Variants in PIGQ observed in about 807,000 individuals in gnomAD.
PIGQ encodes phosphatidylinositol glycan anchor biosynthesis class Q.
PIGQ carries 54 observed loss-of-function variants against 60.3 expected under a neutral mutation model. The observed-to-expected ratio is 0.90, with a 90% CI of 0.72 to 1.12. The LOEUF (loss-of-function observed/expected upper bound fraction) is 1.12. Ranked by LOEUF, PIGQ falls within the 50% of genes most tolerant of loss-of-function variation. The pLI is 0.00. For missense variants in PIGQ, 799 were observed against 793.5 expected, an observed-to-expected ratio of 1.01 and a Z score of -0.08; for synonymous variants, 416 against 363.7, an observed-to-expected ratio of 1.14 and a Z score of -1.64.
Position 584,019 on chromosome 16 carries a change from A to G in PIGQ, c.*984A>G. On this transcript the variant is annotated 3_prime_UTR_variant, in exon 11 of 11. Coordinates refer to ENST00000321878, the MANE Select transcript of PIGQ (RefSeq NM_004204.5). Reference sequence around the variant, plus strand: ...GGTGGGAGGAGGCAGCGCCCATCTCAGCAGCACCAGGACTGCCTGGGACTC... The same window carrying G: ...GGTGGGAGGAGGCAGCGCCCATCTCGGCAGCACCAGGACTGCCTGGGACTC... 1 of 357,310 alleles carries G rather than the reference A, an allele frequency of 2.8e-6. No homozygotes were observed. Among genetic ancestry groups the G allele is most frequent in the Non-Finnish European group, 5.5e-6 (1 of 182,324 alleles). 22.1% of individuals were successfully genotyped at this position (357,310 alleles called of 1,614,324 possible).
intron 9 of PIGQ, 192 bp from the exon 10 acceptor site, chr16:582,056 G>T: frequency 1.5e-6 from 1 of 671,880 alleles, no homozygotes; most frequent in Non-Finnish European, 2.7e-6. Flanking sequence ...GTGCCTGGCT[G>T]CAGGAGGCTT....
In PIGQ at chr16:583,360, A is replaced by G. The variant is rs1222092957; in HGVS notation, c.*325A>G. The G allele has an allele frequency of 1.9e-6, 3 of 1,612,450 alleles. No homozygotes were observed. The South Asian group carries it at 3.3e-5, about 18-fold the overall frequency. ...TGCCCCATGCCCACCCTGTGTACCC[A>G]GGTCCAGAGGGTCCGTCCACCACAG... On this transcript the variant is annotated 3_prime_UTR_variant, in exon 11 of 11. Transcript: ENST00000321878.
chr16:571,053 G>A (rs2035610388), intron 1 of PIGQ, among the ~76,000 whole-genome samples: 2 of 22,776 alleles, frequency 8.8e-5, no homozygotes, highest in Non-Finnish European at 8.8e-5. Context: ...GTGTGTGTGT[G>A]TGTGTGTGTG....
At chr16:572,413 G>A (rs977115820) in intron 1 of PIGQ, 4 of 424,274 alleles carry the variant, frequency 9.4e-6, no homozygotes, top group Non-Finnish European at 1.9e-5. Context: ...AGTGCGGGCT[G>A]CCTGCAGGGG....
In PIGQ at chr16:583,458, C is replaced by A; in HGVS notation, c.*423C>A. ...TGCCCTGGCTGTGGGGGTGGAGGGA[C>A]CTTGCCAGGATGAACCCCCCAGTCC... On this transcript the variant is annotated 3_prime_UTR_variant, in exon 11 of 11. Transcript: ENST00000321878. 1 of 1,612,654 alleles carries A rather than the reference C, an allele frequency of 6.2e-7. No homozygotes were observed. The highest frequency in any genetic ancestry group is 8.5e-7 in the Non-Finnish European group (1 of 1,179,914).
At position 576,202 on chromosome 16, in the gene PIGQ, A is replaced by G; in HGVS notation, c.890A>G (p.His297Arg). 6.5e-7 allele frequency: 1 copy of G among 1,550,324 alleles called. No homozygotes were observed. ...GGCCTCATGCTGCTGTCCTGGCTCC[A>G]CGGGAGAAGCCGCATCGGGCATCTG... ...ALGLMLLSWL[H>R]GRSRIGHLAD... is the part of the protein sequence containing the mutation. The change falls in exon 4 of 11, where the codon CAC becomes CGC. Residue 297 changes from histidine to arginine, a missense_variant. Physicochemically the swap from His to Arg is conservative, Grantham distance 29. Transcript: ENST00000321878.
chr16:572,239 C>G (rs568765140), intron 1 of PIGQ, among the ~76,000 whole-genome samples: 25 of 152,216 alleles, frequency 1.6e-4, no homozygotes, highest in Admixed American at 1.2e-3. Flanking sequence ...GTCCCTCTCA[C>G]GATGTCCTTG....
chr16:580,323 G>A (rs1365728760), intron 8 of PIGQ, 60 bp downstream of exon 8: 11 of 1,337,190 alleles, frequency 8.2e-6, no homozygotes, highest in Middle Eastern at 1.9e-4. Context: ...TTCTGCCAGC[G>A]CTGCCTGGGA....
chr16:571,516 G>GTGTGTC (rs1399485301), intron 1 of PIGQ, among the ~76,000 whole-genome samples: 20 of 127,962 alleles, frequency 1.6e-4, no homozygotes, highest in Non-Finnish European at 2.7e-4. Flanking sequence ...GTGTGTGTGT[G>GTGTGTC]TGTGTCTGGC....
Position 583,752 on chromosome 16 carries a change from A to C in PIGQ, c.*717A>C, listed in dbSNP as rs753629525. ...CTATTCGTCCACGGTGCCCCGTAGC[A>C]GCAGGTCCTGCGGCCAAATCTGTCT... On this transcript the variant is annotated 3_prime_UTR_variant, in exon 11 of 11. Transcript: ENST00000321878. 10 of 1,222,162 alleles carry C rather than the reference A, an allele frequency of 8.2e-6. No homozygotes were observed. The highest frequency in any genetic ancestry group is 1.2e-5 in the Non-Finnish European group (10 of 842,174). 75.7% of individuals were successfully genotyped at this position (1,222,162 alleles called of 1,614,324 possible). A position where few individuals can be genotyped will look rare whatever the true frequency, so the allele number is the denominator to read the frequency against.
chr16:578,985 G>C, intron 6 of PIGQ, 47 bp downstream of exon 6: 1 of 1,545,108 alleles, frequency 6.5e-7, no homozygotes, highest in Non-Finnish European at 8.7e-7. Context: ...GAGGTGCAGA[G>C]GCTCCGGCTG....
Position 584,094 on chromosome 16 carries a change from C to G in PIGQ, c.*1059C>G, listed in dbSNP as rs1012647143. 2 of 282,036 alleles carry G rather than the reference C, an allele frequency of 7.1e-6. No individual in the cohort carries two copies. Among genetic ancestry groups the G allele is most frequent in the Admixed American group, 9.1e-5 (2 of 21,950 alleles). 17.5% of individuals were successfully genotyped at this position (282,036 alleles called of 1,614,324 possible). A position where few individuals can be genotyped will look rare whatever the true frequency, so the allele number is the denominator to read the frequency against. On this transcript the variant is annotated 3_prime_UTR_variant, in exon 11 of 11. Transcript: ENST00000321878. Reference sequence around the variant, plus strand: ...CCGTCAGCTGCTGTGACAATAAAACCTGCCCCGTGTCTGGAGCGCAGGCTC... The same window carrying G: ...CCGTCAGCTGCTGTGACAATAAAACGTGCCCCGTGTCTGGAGCGCAGGCTC...
rs71299924 is a variant in PIGQ at position 571,488 on chromosome 16, CTGTGTGTGTGTG to C, written c.-10+1414_-10+1425del. On this transcript the variant is annotated intron_variant, in intron 1 of 10. Coordinates refer to ENST00000321878, the MANE Select transcript of PIGQ (RefSeq NM_004204.5). ...GCTAGCCTGTGTGTGTCTGGTTAGCCTGTGTGTGTGTGTGTGTGTGTGTGTGTGTGTGTCTGG... is the reference window on the plus strand; with the variant it reads ...GCTAGCCTGTGTGTGTCTGGTTAGCCTGTGTGTGTGTGTGTGTGTGTCTGG... Among the ~76,000 whole-genome samples, 257 of 61,772 alleles carry C rather than the reference CTGTGTGTGTGTG, an allele frequency of 4.2e-3. 4 individuals carry two copies. Among genetic ancestry groups the C allele is most frequent in the African/African-American group, 0.019 (245 of 13,090 alleles). 40.5% of individuals were successfully genotyped at this position (61,772 alleles called of 152,430 possible).
In PIGQ at chr16:574,477, C is replaced by T; in HGVS notation, c.403C>T (p.Gln135Ter). ...QVMLIFYDQR[Q>*]VLLSQLHLPT... ...CATGCTCATCTTCTATGACCAGCGC[C>T]AGGTGTTGCTGTCACAGCTACACCT... Residue 135 changes from glutamine to a stop codon, truncating the protein, a stop_gained, in exon 2 of 11, where the codon CAG becomes TAG. Coordinates refer to ENST00000321878, the MANE Select transcript of PIGQ (RefSeq NM_004204.5). LOFTEE classifies it high-confidence loss of function. 6.2e-7 allele frequency: 1 copy of T among 1,610,418 alleles called. No homozygotes were observed. Among genetic ancestry groups the T allele is most frequent in the Non-Finnish European group, 8.5e-7 (1 of 1,179,032 alleles).
In PIGQ at chr16:583,758, TC is replaced by T. The variant is rs2035856304; in HGVS notation, c.*725del. ...GTCCACGGTGCCCCGTAGCAGCAGG[TC>T]CTGCGGCCAAATCTGTCTCCCTTCA... On this transcript the variant is annotated 3_prime_UTR_variant, in exon 11 of 11. Transcript: ENST00000321878. The T allele has an allele frequency of 8.8e-7, 1 of 1,139,016 alleles. No individual in the cohort carries two copies. The highest frequency in any genetic ancestry group is 1.5e-5 in the African/African-American group (1 of 65,562). The allele number at this position is 1,139,016 out of a possible 1,614,324, so 70.6% of individuals were successfully genotyped here.
intron 10 of PIGQ, 40 bp from the exon 11 acceptor site, chr16:582,843 G>A (rs1490437580): frequency 1.9e-6 from 3 of 1,558,678 alleles, no homozygotes; most frequent in African/African-American, 1.4e-5. Flanking sequence ...CGGGGTTGGA[G>A]CTCAGACCAC....
Position 571,370 on chromosome 16 carries a change from G to A in PIGQ, c.-10+1274G>A, listed in dbSNP as rs2035622242. ...TGTGTGTGTGTGTCTGGCTAGCCTG[G>A]GACCCGTGGCTAGCCTGGTGCCCGT... On this transcript the variant is annotated intron_variant, in intron 1 of 10. Coordinates refer to ENST00000321878, the MANE Select transcript of PIGQ (RefSeq NM_004204.5). Among the ~76,000 whole-genome samples, 5 of 123,268 alleles carry A rather than the reference G, an allele frequency of 4.1e-5. No individual in the cohort carries two copies. In the South Asian group the frequency reaches 1.4e-3, roughly 34 times the overall value. 80.9% of individuals were successfully genotyped at this position (123,268 alleles called of 152,430 possible). A position where few individuals can be genotyped will look rare whatever the true frequency, so the allele number is the denominator to read the frequency against.
In PIGQ at chr16:578,432, C is replaced by G; in HGVS notation, c.996C>G (p.Ala332=). ...TGCAGTGGCTGATGGGTGCTCCCGC[C>G]GGGCTCAAGATGAACCGTGCACTGG... is the stretch of plus-strand genomic sequence containing the variant. The part of the protein sequence containing the change: ...HLLQWLMGAP[A]GLKMNRALDQ... The change falls in exon 5 of 11, where the codon GCC becomes GCG. Residue 332 remains alanine, a synonymous_variant. Coordinates refer to ENST00000321878, the MANE Select transcript of PIGQ (RefSeq NM_004204.5). 1 of 1,612,512 alleles carries G rather than the reference C, an allele frequency of 6.2e-7. No homozygotes were observed. The highest frequency in any genetic ancestry group is 8.5e-7 in the Non-Finnish European group (1 of 1,179,836).
In PIGQ at chr16:575,808, G is replaced by A. The variant is rs74835279; in HGVS notation, c.690-31G>A. 2.6e-3 allele frequency: 4,041 copies of A among 1,548,026 alleles called. 74 individuals are homozygous for A. In the African/African-American group the frequency reaches 0.044, roughly 17 times the overall value. The stretch of plus-strand genomic sequence containing the variant: ...GACGGTGGGAGGAGGATCTGGAGAG[G>A]GACACATCACTCCTCTCCACTCCCA... On this transcript the variant is annotated intron_variant, in intron 2 of 10. Transcript: ENST00000321878.
Sources: allele counts gnomAD v4.1 joint callset (sites outside exome capture counted in the v4.1 genomes callset), GRCh38; gene constraint gnomAD v4.1.1; transcripts MANE v1.5; gene names NCBI Gene and HGNC (gene_info 2026-07-23, HGNC 2026-07-21).